Variants in RAP1GAP2 observed in about 807,000 individuals in gnomAD.
RAP1GAP2 encodes rap1 GTPase-activating protein 2.
RAP1GAP2 carries 27 observed loss-of-function variants against 95.0 expected under a neutral mutation model. The ratio of observed to expected loss-of-function variants is 0.28; its 90% confidence interval spans 0.21 to 0.39. RAP1GAP2 has a LOEUF of 0.39. Ranked by LOEUF, RAP1GAP2 falls within the 10% of genes least tolerant of loss-of-function variation. The probability of loss-of-function intolerance (pLI) is 1.00; values close to 1 mark genes in which losing one functional copy is unlikely to be tolerated. For missense variants in RAP1GAP2, 771 were observed against 970.0 expected (o/e 0.79, Z 2.72); for synonymous variants, 373 against 380.9 (o/e 0.98, Z 0.24).
chr17:3,021,584 T>TGC (rs1555602847), intron 19 of RAP1GAP2, among the ~76,000 whole-genome samples: 1 of 152,148 alleles, frequency 6.6e-6, no homozygotes, highest in Non-Finnish European at 1.5e-5. Flanking sequence ...TACAGGCGCA[T>TGC]GCCACCACAC....
intron 2 of RAP1GAP2, among the ~76,000 whole-genome samples, chr17:2,877,278 T>A (rs569758705): frequency 6.6e-6 from 1 of 152,238 alleles, no homozygotes; most frequent in African/African-American, 2.4e-5. Context: ...ATATCTCCCA[T>A]CTCCACCACG....
chr17:2,908,676 T>C (rs2042277946), intron 3 of RAP1GAP2, among the ~76,000 whole-genome samples: 1 of 151,998 alleles, frequency 6.6e-6, no homozygotes, highest in African/African-American at 2.4e-5. Flanking sequence ...TAAAGGTTGG[T>C]GCAGGAGGGA....
chr17:2,929,862 C>A (rs989669916), intron 3 of RAP1GAP2, among the ~76,000 whole-genome samples: 1 of 152,132 alleles, frequency 6.6e-6, no homozygotes, highest in African/African-American at 2.4e-5. Flanking sequence ...CAGCCCAGAT[C>A]ACCAGTGCAC....
chr17:2,787,011 C>T (rs1183576501), intron 1 of RAP1GAP2, among the ~76,000 whole-genome samples: 4 of 133,470 alleles, frequency 3.0e-5, no homozygotes, highest in Admixed American at 1.8e-4. Flanking sequence ...TGCGCAGGGG[C>T]GCGATCTCTG....
chr17:2,866,999 C>T lies in RAP1GAP2; in HGVS notation c.81-38285C>T, dbSNP rs114469438. ...CACTGCAACCTCCACCTCTCAGGTT[C>T]GAATGATTCTTCTGCCTCATTCTCC... On this transcript the variant is annotated intron_variant, in intron 2 of 24. Coordinates refer to ENST00000254695, the MANE Select transcript of RAP1GAP2 (RefSeq NM_015085.5). The surrounding 1 kb of genome is among the most constrained non-coding windows in gnomAD (Gnocchi z 4.0). Among the ~76,000 whole-genome samples the T allele has an allele frequency of 5.0e-3, 763 of 152,258 alleles. 4 individuals carry two copies. The highest frequency in any genetic ancestry group is 0.017 in the African/African-American group (703 of 41,542).
intron 1 of RAP1GAP2, among the ~76,000 whole-genome samples, chr17:2,778,712 C>A (rs996097039): frequency 6.6e-6 from 1 of 152,164 alleles, no homozygotes; most frequent in African/African-American, 2.4e-5. Flanking sequence ...CTGCTGTGGC[C>A]GCACCTGCAT....
At chr17:2,967,536 G>A (rs2044669338) in intron 8 of RAP1GAP2, among the ~76,000 whole-genome samples, 1 of 152,050 alleles carries the variant, frequency 6.6e-6, no homozygotes. Flanking sequence ...TGTTGTTGTG[G>A]GTCAACAGCA....
chr17:2,959,537 G>A (rs141726865), intron 4 of RAP1GAP2, among the ~76,000 whole-genome samples: 8 of 152,332 alleles, frequency 5.3e-5, no homozygotes, highest in Non-Finnish European at 1.2e-4. Flanking sequence ...GAGTGCCCGC[G>A]TGGGCCTTGA....
At chr17:2,935,481 T>C (rs562460311) in intron 3 of RAP1GAP2, among the ~76,000 whole-genome samples, 1 of 152,248 alleles carries the variant, frequency 6.6e-6, no homozygotes, top group Admixed American at 6.5e-5. Flanking sequence ...CACTCCAGCC[T>C]GGGCAATAAG....
upstream of RAP1GAP2, among the ~76,000 whole-genome samples, chr17:2,795,069 G>A (rs887051821): frequency 1.3e-5 from 2 of 151,750 alleles, no homozygotes; most frequent in East Asian, 3.9e-4. Flanking sequence ...GTAGAGATGG[G>A]GTTTCACCAT....
chr17:2,922,837 T>G (rs963873805), intron 3 of RAP1GAP2, among the ~76,000 whole-genome samples: 6 of 150,722 alleles, frequency 4.0e-5, no homozygotes, highest in Admixed American at 2.0e-4. Flanking sequence ...TTTTTGTTTT[T>G]TTTTTTTTTT....
At chr17:2,773,946 AG>A (rs2068445301), upstream of RAP1GAP2, among the ~76,000 whole-genome samples, 1 of 151,872 alleles carries the variant, frequency 6.6e-6, no homozygotes, top group Non-Finnish European at 1.5e-5. Context: ...TTAGTAGAGA[AG>A]GGGTTTCACC....
At chr17:2,910,035 A>G (rs1218046425) in intron 3 of RAP1GAP2, among the ~76,000 whole-genome samples, 2 of 152,222 alleles carry the variant, frequency 1.3e-5, no homozygotes, top group Admixed American at 6.5e-5. Context: ...TAAAACCACA[A>G]TCCTCACCTT....
chr17:2,996,072 G>T (rs79601732), intron 13 of RAP1GAP2, among the ~76,000 whole-genome samples: 6,157 of 152,246 alleles, frequency 0.04, 397 homozygotes, highest in African/African-American at 0.14. Flanking sequence ...TCACTGTCCA[G>T]CCCCTGGTCA....
At chr17:3,006,222 G>A (rs545640233) in intron 16 of RAP1GAP2, among the ~76,000 whole-genome samples, 181 bp downstream of exon 16, 5 of 147,456 alleles carry the variant, frequency 3.4e-5, no homozygotes, top group South Asian at 2.2e-4. Flanking sequence ...TCTGCCTCCC[G>A]GGCTCAAGTG....
intron 2 of RAP1GAP2, among the ~76,000 whole-genome samples, chr17:2,895,352 T>A (rs1250553997): frequency 6.6e-6 from 1 of 152,184 alleles, no homozygotes; most frequent in Non-Finnish European, 1.5e-5. Flanking sequence ...AGCACCGTGG[T>A]AAACGCCACA....
intron 17 of RAP1GAP2, among the ~76,000 whole-genome samples, chr17:3,013,848 T>G (rs1392525013): frequency 6.6e-6 from 1 of 152,120 alleles, no homozygotes; most frequent in Non-Finnish European, 1.5e-5. Flanking sequence ...CAGAACTTTT[T>G]CTGTCCAATG....
Position 3,020,469 on chromosome 17 carries a change from A to G in RAP1GAP2, c.1633-8A>G. On this transcript the variant is annotated splice_region_variant and splice_polypyrimidine_tract_variant and intron_variant, in intron 18 of 24. Coordinates refer to ENST00000254695, the MANE Select transcript of RAP1GAP2 (RefSeq NM_015085.5). ...CGGGAGCACTCATTTTGGCAATTTC[A>G]TCGACAGCCTCCAGTGGTGGCGGCA... The G allele has an allele frequency of 3.7e-6, 6 of 1,611,936 alleles. No individual in the cohort carries two copies. The highest frequency in any genetic ancestry group is 2.2e-5 in the East Asian group (1 of 44,852).
intron 2 of RAP1GAP2, among the ~76,000 whole-genome samples, chr17:2,835,155 C>T (rs2151556531): frequency 6.6e-6 from 1 of 151,422 alleles, no homozygotes; most frequent in East Asian, 2.0e-4. Context: ...ATCTCCTGAC[C>T]TTGTGATCCA....
Sources: gnomAD v4.1 joint callset for allele counts (sites outside exome capture counted in the v4.1 genomes callset) on GRCh38, gnomAD v4.1.1 for gene constraint, Gnocchi (gnomAD v3.1) non-coding constraint, MANE v1.5 for transcripts, NCBI Gene and HGNC (gene_info 2026-07-23, HGNC 2026-07-21) for gene names.